Variants in UTRN observed in about 807,000 individuals in gnomAD.
UTRN encodes utrophin.
Under a neutral mutation model 463.9 loss-of-function variants are expected in UTRN, and 283 were observed. The ratio of observed to expected loss-of-function variants is 0.61; its 90% CI spans 0.55 to 0.67. The LOEUF (loss-of-function observed/expected upper bound fraction) is 0.67, where lower values mean the gene tolerates loss of function less well. Among genes scored for constraint, UTRN ranks in the 30% least tolerant of loss-of-function variants. The probability of loss-of-function intolerance (pLI) is 0.00; values close to 1 mark genes in which losing one functional copy is unlikely to be tolerated. For missense variants in UTRN, 3,922 were observed against 4,084.3 expected, an observed-to-expected ratio of 0.96 and a Z score of 1.08; for synonymous variants, 1,442 against 1,431.5, an observed-to-expected ratio of 1.01 and a Z score of -0.17.
intron 61 of UTRN, 34 bp from the exon 62 acceptor site, chr6:144,789,160 T>G (rs1350239088): frequency 6.5e-7 from 1 of 1,533,542 alleles, no homozygotes; most frequent in East Asian, 2.3e-5. Flanking sequence ...TGGTTTTAAA[T>G]GCATCTAACA....
At chr6:144,548,341 T>C (rs186005946) in intron 46 of UTRN, among the ~76,000 whole-genome samples, 23 of 152,332 alleles carry the variant, frequency 1.5e-4, no homozygotes, top group African/African-American at 5.3e-4. Context: ...TAAAATCATC[T>C]TGCCAAAATA....
At chr6:144,650,915 T>C (rs537437880) in intron 51 of UTRN, among the ~76,000 whole-genome samples, 2 of 151,666 alleles carry the variant, frequency 1.3e-5, no homozygotes, top group South Asian at 4.2e-4. Context: ...TCTCAAATAA[T>C]AATAATAATA....
intron 51 of UTRN, among the ~76,000 whole-genome samples, chr6:144,676,270 A>G (rs1366350414): frequency 6.6e-6 from 1 of 152,168 alleles, no homozygotes; most frequent in Non-Finnish European, 1.5e-5. Flanking sequence ...GAAGAATTAG[A>G]TTGTTATTTA....
At chr6:144,399,527 G>A (rs73597053) in intron 2 of UTRN, among the ~76,000 whole-genome samples, 6,010 of 152,172 alleles carry the variant, frequency 0.039, 371 homozygotes, top group African/African-American at 0.13. Context: ...TTTCTTTCTT[G>A]GCTAAAGGTC....
In UTRN at chr6:144,482,895, C is replaced by CT. The variant is rs149297311; in HGVS notation, c.3687+517dup. Reference sequence around the variant, plus strand: ...TTTTACTGGGTCTTAGATAAAATACCTTTTTTTTTTCTCCCTGGCCATTAC... The same window carrying CT: ...TTTTACTGGGTCTTAGATAAAATACCTTTTTTTTTTTCTCCCTGGCCATTAC... On this transcript the variant is annotated intron_variant, in intron 27 of 74. Coordinates refer to ENST00000367545, the MANE Select transcript of UTRN (RefSeq NM_007124.3). 4.4e-4 allele frequency among the ~76,000 whole-genome samples: 65 copies of CT among 148,858 alleles called. No homozygotes were observed. The South Asian group carries it at 6.4e-3, about 15-fold the overall frequency.
rs560931809 is a variant in UTRN, at chr6:144,717,348, T to G, written c.7810-13009T>G. Among the ~76,000 whole-genome samples, 10 of 152,350 alleles carry G rather than the reference T, an allele frequency of 6.6e-5. No individual in the cohort carries two copies. The South Asian group carries it at 2.1e-3, about 32-fold the overall frequency. On this transcript the variant is annotated intron_variant, in intron 53 of 74. Transcript: ENST00000367545. The stretch of plus-strand genomic sequence containing the variant: ...GCCTAGAAGGATAGGAGAAAAGCTC[T>G]CCATGGCTTGTTAAACACATTAGTT...
At chr6:144,614,482 C>G (rs557413665) in intron 51 of UTRN, among the ~76,000 whole-genome samples, 1 of 152,176 alleles carries the variant, frequency 6.6e-6, no homozygotes, top group South Asian at 2.1e-4. Context: ...GCTCATCTTC[C>G]TAATTAAGTA....
At chr6:144,597,241 A>G (rs1027065731) in intron 51 of UTRN, among the ~76,000 whole-genome samples, 2 of 152,012 alleles carry the variant, frequency 1.3e-5, no homozygotes, top group African/African-American at 2.4e-5. Context: ...GTCTCAAAAA[A>G]AAAAAAAAAA....
At chr6:144,674,069 C>G in intron 51 of UTRN, among the ~76,000 whole-genome samples, 1 of 152,102 alleles carries the variant, frequency 6.6e-6, no homozygotes, top group East Asian at 1.9e-4. Context: ...CCTCACAGCT[C>G]TTAAGATTCT....
chr6:144,787,862 A>G (rs142010189), intron 61 of UTRN, among the ~76,000 whole-genome samples: 1 of 152,162 alleles, frequency 6.6e-6, no homozygotes, highest in Non-Finnish European at 1.5e-5. Flanking sequence ...AAGAAAATGG[A>G]CAATAAAAAC....
chr6:144,443,860 A>G (rs1226876202), intron 13 of UTRN, among the ~76,000 whole-genome samples: 1 of 152,164 alleles, frequency 6.6e-6, no homozygotes, highest in Non-Finnish European at 1.5e-5. Context: ...CTTGGCATGT[A>G]AAAGAGAGTT....
intron 51 of UTRN, among the ~76,000 whole-genome samples, chr6:144,613,820 TA>T (rs1585570025): frequency 6.6e-6 from 1 of 152,078 alleles, no homozygotes; most frequent in African/African-American, 2.4e-5. Context: ...AAGGAACTTA[TA>T]AAAAATAGTG....
intron 60 of UTRN, 44 bp downstream of exon 60, chr6:144,774,408 C>A (rs7763934): frequency 2.9e-6 from 4 of 1,368,490 alleles, no homozygotes; most frequent in Admixed American, 2.9e-5. Context: ...ACTTGAATTG[C>A]GTTTTTTTTT....
chr6:144,722,726 A>C (rs6906948), intron 53 of UTRN, among the ~76,000 whole-genome samples: 69,851 of 151,906 alleles, frequency 0.46, 21,263 homozygotes, highest in East Asian at 0.87. Flanking sequence ...TACTAAATAA[A>C]CATATGTGAC....
At chr6:144,620,245 G>T (rs143145474) in intron 51 of UTRN, among the ~76,000 whole-genome samples, 1 of 152,204 alleles carries the variant, frequency 6.6e-6, no homozygotes, top group Non-Finnish European at 1.5e-5. Flanking sequence ...ACCCACCTGT[G>T]CTGCTAAACT....
chr6:144,541,803 AG>A (rs1797996428), intron 45 of UTRN, among the ~76,000 whole-genome samples: 1 of 152,190 alleles, frequency 6.6e-6, no homozygotes, highest in Admixed American at 6.5e-5. Flanking sequence ...TAGCTGTGGA[AG>A]GTTTTGTTGA....
intron 9 of UTRN, 96 bp downstream of exon 9, chr6:144,429,837 G>A: frequency 7.5e-7 from 1 of 1,330,836 alleles, no homozygotes; most frequent in Non-Finnish European, 1.0e-6. Context: ...TTTCTTGACT[G>A]AGAACATCTT....
chr6:144,493,361 A>G lies in UTRN; in HGVS notation c.4498A>G (p.Arg1500Gly), dbSNP rs1793246035. Residue 1500 changes from arginine (R) to glycine (G), a missense_variant, in exon 33 of 75, where the codon AGA (arginine) becomes GGA (glycine). Coordinates refer to ENST00000367545, the MANE Select transcript of UTRN (RefSeq NM_007124.3). The stretch of plus-strand genomic sequence containing the variant: ...AGTGGAAACTGTGATTAAAACAGGA[A>G]GACATATTGTCCAGAAACAGCAAAC... ...LEVETVIKTG[R>G]HIVQKQQTDN... 1 of 1,614,060 alleles carries G rather than the reference A, an allele frequency of 6.2e-7. No homozygotes were observed.
intron 35 of UTRN, among the ~76,000 whole-genome samples, chr6:144,511,741 C>G (rs1226176435): frequency 6.6e-6 from 1 of 152,090 alleles, no homozygotes; most frequent in East Asian, 1.9e-4. Flanking sequence ...ATGTGTTAGT[C>G]TTTGGTTATG....
Sources: gnomAD v4.1 joint callset for allele counts (sites outside exome capture counted in the v4.1 genomes callset) on GRCh38, gnomAD v4.1.1 for gene constraint, MANE v1.5 for transcripts, NCBI Gene and HGNC (gene_info 2026-07-23, HGNC 2026-07-21) for gene names.